Variants in ANAPC4 observed in about 807,000 individuals in gnomAD.
The protein encoded by ANAPC4 is anaphase promoting complex subunit 4.
In ANAPC4, 63 loss-of-function variants were observed where a neutral mutation model predicts 119.8. The ratio of observed to expected loss-of-function variants is 0.53; its 90% CI spans 0.43 to 0.65. The LOEUF is 0.65. Ranked by LOEUF, ANAPC4 falls within the 30% of genes least tolerant of loss-of-function variation. The pLI, the probability that ANAPC4 is intolerant of heterozygous loss-of-function variation, is 0.00. For synonymous variants in ANAPC4, 283 were observed against 318.6 expected (o/e 0.89, Z 1.19); for missense variants, 716 against 945.1 (o/e 0.76, Z 3.18).
At chr4:25,400,230 G>A (rs887521769) in intron 16 of ANAPC4, among the ~76,000 whole-genome samples, 1 of 152,032 alleles carries the variant, frequency 6.6e-6, no homozygotes, top group African/African-American at 2.4e-5. Context: ...ATGTATGGAT[G>A]GAATGATCTA....
chr4:25,407,387 T>A (rs1000030943), intron 20 of ANAPC4, 134 bp downstream of exon 20: 1 of 599,656 alleles, frequency 1.7e-6, no homozygotes. Flanking sequence ...GCAGCAGTTT[T>A]TAAACATTTT....
At chr4:25,394,205 G>T (rs1722509989) in intron 11 of ANAPC4, 105 bp from the exon 12 acceptor site, 1 of 921,104 alleles carries the variant, frequency 1.1e-6, no homozygotes, top group South Asian at 1.6e-5. Context: ...GGATTTGATG[G>T]AAGTCTAAGG....
In ANAPC4 at chr4:25,390,210, G is replaced by T. The variant is rs377456652; in HGVS notation, c.590G>T (p.Arg197Leu). The part of the protein sequence containing the change: ...LYAYGMFKIA[R>L]VTGIAGTCLA... ...GCTTATGGAATGTTTAAAATTGCTCGAGTCACAGGGGTAAGATTTCTTTAA... is the reference window on the plus strand; with the variant it reads ...GCTTATGGAATGTTTAAAATTGCTCTAGTCACAGGGGTAAGATTTCTTTAA... Residue 197 changes from arginine (R) to leucine (L), a missense_variant, in exon 8 of 29, where the codon CGA becomes CTA. Arg to Leu is a moderately radical substitution (Grantham distance 102). Coordinates refer to ENST00000315368, the MANE Select transcript of ANAPC4 (RefSeq NM_013367.3). The T allele has an allele frequency of 1.9e-6, 3 of 1,609,836 alleles. No individual in the cohort carries two copies. The Admixed American group carries it at 5.0e-5, about 27-fold the overall frequency.
chr4:25,380,504 T>C (rs752392367), intron 3 of ANAPC4, 25 bp downstream of exon 3: 39 of 1,534,682 alleles, frequency 2.5e-5, no homozygotes, highest in Non-Finnish European at 3.5e-5. Flanking sequence ...ACAAAAAAAA[T>C]ATGTTTTTAT....
At chr4:25,387,114 G>T (rs1303256697) in intron 4 of ANAPC4, among the ~76,000 whole-genome samples, 2 of 152,056 alleles carry the variant, frequency 1.3e-5, no homozygotes, top group East Asian at 3.8e-4. Flanking sequence ...TGCTGGACAG[G>T]TTTTTTCTTT....
intron 18 of ANAPC4, among the ~76,000 whole-genome samples, chr4:25,406,042 G>C (rs1161682489): frequency 6.6e-6 from 1 of 152,166 alleles, no homozygotes; most frequent in Non-Finnish European, 1.5e-5. Context: ...GACAACCAGT[G>C]ATGGAATCTT....
intron 16 of ANAPC4, among the ~76,000 whole-genome samples, chr4:25,398,200 A>C (rs748729481): frequency 6.6e-6 from 1 of 152,108 alleles, no homozygotes; most frequent in Non-Finnish European, 1.5e-5. Flanking sequence ...ATTTTCTGAG[A>C]GTTTTTTGAT....
At chr4:25,402,903 G>T (rs962205374) in intron 16 of ANAPC4, 68 bp from the exon 17 acceptor site, 2 of 869,744 alleles carry the variant, frequency 2.3e-6, no homozygotes, top group African/African-American at 3.5e-5. Context: ...TTTCCTGACA[G>T]TTGAGTAGGA....
At chr4:25,403,526 A>G (rs375555689) in intron 17 of ANAPC4, among the ~76,000 whole-genome samples, 33 of 152,248 alleles carry the variant, frequency 2.2e-4, no homozygotes, top group African/African-American at 7.5e-4. Context: ...GTTAGGTGCT[A>G]GATTTTAAAA....
chr4:25,405,485 C>G lies in ANAPC4; in HGVS notation c.1271-88C>G. ...TGTAAAATTGAAGATTTAGTTCAGT[C>G]AAACACCTTGTCTTTGAAATGTATT... On this transcript the variant is annotated intron_variant, in intron 17 of 28. Transcript: ENST00000315368. This position sits in a 1 kb window ranked among gnomAD's most constrained non-coding sequence, Gnocchi z 4.6. 1 of 1,261,690 alleles carries G rather than the reference C, an allele frequency of 7.9e-7. No individual in the cohort carries two copies. Among genetic ancestry groups the G allele is most frequent in the East Asian group, 2.5e-5 (1 of 40,336 alleles). 78.2% of individuals were successfully genotyped at this position (1,261,690 alleles called of 1,614,324 possible).
chr4:25,387,313 C>T (rs1722093238), intron 4 of ANAPC4, among the ~76,000 whole-genome samples: 1 of 152,054 alleles, frequency 6.6e-6, no homozygotes, highest in Non-Finnish European at 1.5e-5. Context: ...CTTTTCCTTT[C>T]TAATTAAGTT....
chr4:25,399,285 G>A (rs1023176934), intron 16 of ANAPC4, among the ~76,000 whole-genome samples: 1 of 152,054 alleles, frequency 6.6e-6, no homozygotes, highest in Admixed American at 6.5e-5. Flanking sequence ...TTCCCCTTTA[G>A]CAGTTATCCC....
At chr4:25,385,592 A>AT (rs946794034) in intron 4 of ANAPC4, among the ~76,000 whole-genome samples, 22 of 151,956 alleles carry the variant, frequency 1.4e-4, no homozygotes, top group Admixed American at 3.9e-4. Flanking sequence ...TCACATTTTT[A>AT]TTTTTTTTGT....
In ANAPC4 at chr4:25,395,105, C is replaced by A. The variant is rs1016998976; in HGVS notation, c.1061+200C>A. 4 of 509,786 alleles carry A rather than the reference C, an allele frequency of 7.8e-6. No homozygotes were observed. The African/African-American group carries it at 7.9e-5, about 10-fold the overall frequency. 31.6% of individuals were successfully genotyped at this position (509,786 alleles called of 1,614,324 possible). Reference sequence around the variant, plus strand: ...AATTCTGCTTTATGAAGTAATTTTCCAACATCTTTTCACCAGGCTAGACTC... The same window carrying A: ...AATTCTGCTTTATGAAGTAATTTTCAAACATCTTTTCACCAGGCTAGACTC... On this transcript the variant is annotated intron_variant, in intron 14 of 28. Coordinates refer to ENST00000315368, the MANE Select transcript of ANAPC4 (RefSeq NM_013367.3).
intron 27 of ANAPC4, 38 bp downstream of exon 27, chr4:25,416,636 A>T: frequency 7.0e-7 from 1 of 1,420,462 alleles, no homozygotes; most frequent in Non-Finnish European, 9.4e-7. Flanking sequence ...TTACAGTTAA[A>T]TGTTTTTTTA....
At chr4:25,378,377 G>T (rs1721525672) in intron 2 of ANAPC4, among the ~76,000 whole-genome samples, 1 of 152,194 alleles carries the variant, frequency 6.6e-6, no homozygotes, top group African/African-American at 2.4e-5. Flanking sequence ...GCAGACTGTA[G>T]TCTGCACCAT....
chr4:25,379,615 C>A (rs762384173), intron 2 of ANAPC4, among the ~76,000 whole-genome samples: 3 of 152,166 alleles, frequency 2.0e-5, no homozygotes, highest in Non-Finnish European at 4.4e-5. Flanking sequence ...ATATTAATTT[C>A]ATGATGACAC....
rs751195091 is a variant in ANAPC4, at chr4:25,390,897, T to G, written c.601-14T>G. 22 of 1,593,772 alleles carry G rather than the reference T, an allele frequency of 1.4e-5. No individual in the cohort carries two copies. The South Asian group carries it at 2.2e-4, about 16-fold the overall frequency. ...GTGATACTAAATATACTAAGGGGTT[T>G]GACTCTTTTACAGATTGCTGGTACT... On this transcript the variant is annotated splice_polypyrimidine_tract_variant and intron_variant, in intron 8 of 28. Coordinates refer to ENST00000315368, the MANE Select transcript of ANAPC4 (RefSeq NM_013367.3).
intron 4 of ANAPC4, 88 bp from the exon 5 acceptor site, chr4:25,388,412 G>T: frequency 1.2e-6 from 1 of 854,712 alleles, no homozygotes; most frequent in East Asian, 2.4e-5. Flanking sequence ...TGTAAAACTG[G>T]GTATCTTTTT....
Sources: allele counts gnomAD v4.1 joint callset (sites outside exome capture counted in the v4.1 genomes callset), GRCh38; gene constraint gnomAD v4.1.1; non-coding constraint Gnocchi (gnomAD v3.1); transcripts MANE v1.5; gene names NCBI Gene and HGNC (gene_info 2026-07-23, HGNC 2026-07-21).